Variants in CCDC91 observed in about 807,000 individuals in gnomAD.
CCDC91 encodes the protein coiled-coil domain-containing protein 91.
A neutral mutation model predicts 63.2 loss-of-function variants in CCDC91; 48 were observed. The observed-to-expected ratio is 0.76, with a 90% CI of 0.60 to 0.97. The LOEUF (loss-of-function observed/expected upper bound fraction) is 0.97, where lower values mean the gene tolerates loss of function less well. CCDC91 is among the 50% of genes least tolerant of loss of function. CCDC91 has a pLI of 0.00. For missense variants in CCDC91, 500 were observed against 494.6 expected (o/e 1.01, Z -0.10); for synonymous variants, 167 against 165.8 (o/e 1.01, Z -0.06).
chr12:28,269,710 T>C (rs1947610258), intron 3 of CCDC91, among the ~76,000 whole-genome samples: 1 of 152,198 alleles, frequency 6.6e-6, no homozygotes, highest in African/African-American at 2.4e-5. Context: ...TGAATATCAA[T>C]AAAACATGAT....
At chr12:28,523,066 G>C (rs1420131821) in intron 12 of CCDC91, among the ~76,000 whole-genome samples, 1 of 152,198 alleles carries the variant, frequency 6.6e-6, no homozygotes, top group Non-Finnish European at 1.5e-5. Flanking sequence ...TTGGGGTGGA[G>C]AGTTCTGTAG....
intron 1 of CCDC91, among the ~76,000 whole-genome samples, chr12:28,219,358 C>T (rs1207912042): frequency 6.6e-6 from 1 of 151,686 alleles, no homozygotes; most frequent in Non-Finnish European, 1.5e-5. Context: ...ATAGGTTTGT[C>T]AAATATTTTA....
chr12:28,466,596 C>G (rs1351687308), intron 11 of CCDC91, among the ~76,000 whole-genome samples: 3 of 152,036 alleles, frequency 2.0e-5, no homozygotes, highest in Non-Finnish European at 2.9e-5. Context: ...AACTTTTACC[C>G]TAGAATAGTA....
At chr12:28,242,689 G>T (rs75284278) in intron 1 of CCDC91, among the ~76,000 whole-genome samples, 5,678 of 152,176 alleles carry the variant, frequency 0.037, 178 homozygotes, top group East Asian at 0.15. Context: ...AACTGTGGGT[G>T]ACGTGGTTTG....
intron 11 of CCDC91, among the ~76,000 whole-genome samples, chr12:28,454,576 A>G (rs554562780): frequency 2.0e-5 from 3 of 152,234 alleles, no homozygotes; most frequent in South Asian, 2.1e-4. Flanking sequence ...AGAGTAGGCT[A>G]TAACAACTGT....
chr12:28,194,253 C>T (rs530122468), intron 1 of CCDC91, among the ~76,000 whole-genome samples: 9 of 152,274 alleles, frequency 5.9e-5, no homozygotes, highest in African/African-American at 1.9e-4. Context: ...CTCTCTCTCT[C>T]TCTTTCTCTC....
At chr12:28,362,241 T>C (rs1245557608) in intron 6 of CCDC91, among the ~76,000 whole-genome samples, 197 bp from the exon 7 acceptor site, 3 of 148,998 alleles carry the variant, frequency 2.0e-5, no homozygotes, top group Admixed American at 1.3e-4. Flanking sequence ...CTTTAATTCC[T>C]CATTGCCTCA....
At chr12:28,382,315 T>G (rs1209799760) in intron 7 of CCDC91, among the ~76,000 whole-genome samples, 1 of 151,618 alleles carries the variant, frequency 6.6e-6, no homozygotes, top group Non-Finnish European at 1.5e-5. Context: ...TTTAAAATAT[T>G]TATTTTAATC....
At chr12:28,363,770 G>A (rs1353564067) in intron 7 of CCDC91, among the ~76,000 whole-genome samples, 3 of 151,222 alleles carry the variant, frequency 2.0e-5, no homozygotes, top group South Asian at 2.1e-4. Flanking sequence ...CCAGCTATTC[G>A]GGAGGCTGAG....
intron 3 of CCDC91, among the ~76,000 whole-genome samples, chr12:28,267,548 CTTACTAATT>C (rs1454972479): frequency 6.8e-6 from 1 of 148,052 alleles, no homozygotes; most frequent in Non-Finnish European, 1.5e-5. Flanking sequence ...TAACAGTTTA[CTTACTAATT>C]TTACTAATAT....
chr12:28,338,316 GT>G (rs34192753), intron 6 of CCDC91, among the ~76,000 whole-genome samples: 41,042 of 139,746 alleles, frequency 0.29, 5,810 homozygotes, highest in East Asian at 0.55. Flanking sequence ...CCCCCATAGT[GT>G]TTTTTTTTTT....
intron 8 of CCDC91, among the ~76,000 whole-genome samples, chr12:28,441,826 G>T (rs1471465424): frequency 6.6e-6 from 1 of 151,386 alleles, no homozygotes; most frequent in Non-Finnish European, 1.5e-5. Context: ...TTTGGGGAAA[G>T]GGAATTTTTT....
intron 1 of CCDC91, among the ~76,000 whole-genome samples, chr12:28,198,317 T>A (rs982060066): frequency 1.3e-5 from 2 of 152,216 alleles, no homozygotes; most frequent in Admixed American, 6.5e-5. Context: ...GCAAGATCCA[T>A]TAATCTATGA....
intron 12 of CCDC91, among the ~76,000 whole-genome samples, chr12:28,510,629 C>T (rs1379232400): frequency 6.6e-6 from 1 of 151,850 alleles, no homozygotes; most frequent in Non-Finnish European, 1.5e-5. Flanking sequence ...CCCTTACAGA[C>T]ACGCCCAGAA....
intron 7 of CCDC91, among the ~76,000 whole-genome samples, chr12:28,390,046 T>G (rs1229860840): frequency 6.6e-6 from 1 of 152,162 alleles, no homozygotes; most frequent in Non-Finnish European, 1.5e-5. Flanking sequence ...AGAGCTTTAT[T>G]TTCCTTTACT....
intron 6 of CCDC91, among the ~76,000 whole-genome samples, chr12:28,333,742 G>A (rs1941700928): frequency 6.6e-6 from 1 of 152,040 alleles, no homozygotes; most frequent in African/African-American, 2.4e-5. Context: ...GAAATCATTA[G>A]GATTATTTTT....
At chr12:28,499,671 A>G (rs1382942264) in intron 12 of CCDC91, among the ~76,000 whole-genome samples, 2 of 152,272 alleles carry the variant, frequency 1.3e-5, no homozygotes, top group Middle Eastern at 3.4e-3. Context: ...AAAGGACATG[A>G]ACTCATCCTT....
At chr12:28,308,229 T>C (rs902530289) in intron 6 of CCDC91, among the ~76,000 whole-genome samples, 2 of 152,026 alleles carry the variant, frequency 1.3e-5, no homozygotes, top group African/African-American at 4.8e-5. Flanking sequence ...CTTTTTGTAC[T>C]TACTCAATGT....
intron 8 of CCDC91, among the ~76,000 whole-genome samples, chr12:28,442,977 T>A (rs909348343): frequency 1.3e-5 from 2 of 152,004 alleles, no homozygotes. Flanking sequence ...TGCAGGAGGC[T>A]TTTATGAGGT....
Sources: gnomAD v4.1 joint callset for allele counts (sites outside exome capture counted in the v4.1 genomes callset) on GRCh38, gnomAD v4.1.1 for gene constraint, MANE v1.5 for transcripts, NCBI Gene and HGNC (gene_info 2026-07-23, HGNC 2026-07-21) for gene names.